The following DDO variants were observed in gnomAD, a reference collection of about 807,000 sequenced individuals.
DDO encodes the protein D-aspartate oxidase, DDO.
In DDO, 16 loss-of-function variants were observed where a neutral mutation model predicts 16.8. The observed-to-expected ratio is 0.95, with a 90% confidence interval of 0.65 to 1.45. The LOEUF is 1.45. Among genes scored for constraint, DDO ranks in the 40% most tolerant of loss-of-function variants. DDO has a pLI of 0.00. For missense variants in DDO, 429 were observed against 420.3 expected, an observed-to-expected ratio of 1.02 and a Z score of -0.18; for synonymous variants, 180 against 167.2, an observed-to-expected ratio of 1.08 and a Z score of -0.59.
chr6:110,410,126 A>G (rs1336368849), intron 2 of DDO, among the ~76,000 whole-genome samples: 3 of 152,266 alleles, frequency 2.0e-5, no homozygotes, highest in Non-Finnish European at 4.4e-5. Context: ...GGAGATAGTT[A>G]TGACTGGGGC....
At chr6:110,407,528 TAA>T (rs1582487741) in intron 3 of DDO, among the ~76,000 whole-genome samples, 1 of 152,198 alleles carries the variant, frequency 6.6e-6, no homozygotes, top group East Asian at 1.9e-4. Flanking sequence ...AAAGAGGAGA[TAA>T]GACACATTTT....
At position 110,393,952 on chromosome 6, in the gene DDO, A is replaced by G. The variant is rs541987788; in HGVS notation, c.459-610T>C. Among the ~76,000 whole-genome samples, 46 of 152,358 alleles carry G rather than the reference A, an allele frequency of 3.0e-4. No homozygotes were observed. In the South Asian group the frequency reaches 9.3e-3, roughly 31 times the overall value. On this transcript the variant is annotated intron_variant, in intron 4 of 4. Coordinates refer to ENST00000368924, the MANE Select transcript of DDO (RefSeq NM_001372108.2). ...AATAGTGAAAAGAAATGGTTTATCC[A>G]GTACCTGTAGTCTTTATTTAAATCA...
Position 110,408,359 on chromosome 6 carries a change from C to T in DDO, c.256G>A (p.Asp86Asn). 1.2e-6 allele frequency: 2 copies of T among 1,614,172 alleles called. No homozygotes were observed. The change falls in exon 3 of 5, where the codon GAT (aspartate) becomes AAT (asparagine). Residue 86 changes from aspartate (D) to asparagine (N), a missense_variant. By Grantham distance (23) the Asp-to-Asn change is conservative. Transcript: ENST00000368924. Reference protein sequence around the residue: ...FAIANSAEAGDAGVHLVSGWQ... With the variant: ...FAIANSAEAGNAGVHLVSGWQ... The stretch of plus-strand genomic sequence containing the variant: ...CCTGATACCAAATGAACACCAGCAT[C>T]TCCAGCTTCTGCAGAATTGGCAATT...
intron 3 of DDO, among the ~76,000 whole-genome samples, chr6:110,406,436 C>T (rs1773658350): frequency 6.6e-6 from 1 of 152,192 alleles, no homozygotes; most frequent in Non-Finnish European, 1.5e-5. Flanking sequence ...CATCAACTGA[C>T]AAGTCCTATC....
intron 4 of DDO, 36 bp downstream of exon 4, chr6:110,404,738 A>T: frequency 6.2e-7 from 1 of 1,606,354 alleles, no homozygotes; most frequent in Non-Finnish European, 8.5e-7. Flanking sequence ...TATGGCTATG[A>T]CAGATAAGGA....
At chr6:110,401,463 T>TAAA (rs138367265) in intron 4 of DDO, among the ~76,000 whole-genome samples, 2 of 147,756 alleles carry the variant, frequency 1.4e-5, no homozygotes, top group African/African-American at 5.0e-5. Context: ...AAAAAGTGCT[T>TAAA]TAAAAAAAAA....
chr6:110,404,698 A>G, intron 4 of DDO, 76 bp downstream of exon 4: 1 of 1,498,652 alleles, frequency 6.7e-7, no homozygotes. Flanking sequence ...ACTTTTCAGT[A>G]TGTATTTTAT....
chr6:110,415,000 A>G (rs1488857548), intron 1 of DDO, among the ~76,000 whole-genome samples: 2 of 152,236 alleles, frequency 1.3e-5, no homozygotes, highest in African/African-American at 2.4e-5. Flanking sequence ...AAGCCCTCCA[A>G]TGAAGTTTAG....
chr6:110,388,414 T>C (rs1452138614), downstream of DDO, among the ~76,000 whole-genome samples: 1 of 152,246 alleles, frequency 6.6e-6, no homozygotes, highest in Admixed American at 6.5e-5. Context: ...GGACACATGT[T>C]CCACCATCCT....
downstream of DDO, among the ~76,000 whole-genome samples, chr6:110,390,930 A>G (rs1773087505): frequency 6.6e-6 from 1 of 152,188 alleles, no homozygotes; most frequent in Admixed American, 6.5e-5. Context: ...ACCTCAAAAG[A>G]AGCACGCACA....
intron 3 of DDO, among the ~76,000 whole-genome samples, chr6:110,406,876 A>T (rs996220692): frequency 4.5e-4 from 68 of 152,214 alleles, no homozygotes; most frequent in African/African-American, 1.6e-3. Context: ...CTTCCATAGC[A>T]CCCTAGCCTC....
intron 4 of DDO, among the ~76,000 whole-genome samples, chr6:110,399,182 A>G (rs1773391089): frequency 6.6e-6 from 1 of 152,152 alleles, no homozygotes; most frequent in African/African-American, 2.4e-5. Context: ...ATTGGGCATT[A>G]TTGTTTTACT....
rs1459691851 is a variant in DDO at position 110,408,372 on chromosome 6, A to T, written c.243T>A (p.Ser81=). 3 of 1,614,106 alleles carry T rather than the reference A, an allele frequency of 1.9e-6. No individual in the cohort carries two copies. In the African/African-American group the frequency reaches 4.0e-5, roughly 22 times the overall value. The change falls in exon 3 of 5, where the codon TCT becomes TCA. Residue 81 remains serine (S), a synonymous_variant. Transcript: ENST00000368924. Reference sequence around the variant, plus strand: ...GAACACCAGCATCTCCAGCTTCTGCAGAATTGGCAATTGCAAAGAGGTGAT... The same window carrying T: ...GAACACCAGCATCTCCAGCTTCTGCTGAATTGGCAATTGCAAAGAGGTGAT... The part of the protein sequence containing the change: ...TFNHLFAIAN[S]AEAGDAGVHL...
chr6:110,395,887 C>T (rs903067874), intron 4 of DDO, among the ~76,000 whole-genome samples: 5 of 152,080 alleles, frequency 3.3e-5, no homozygotes, highest in Admixed American at 6.5e-5. Flanking sequence ...GAAAATGTCT[C>T]ATGTTCATGG....
chr6:110,412,881 C>T (rs542411626), intron 2 of DDO, among the ~76,000 whole-genome samples: 5 of 152,292 alleles, frequency 3.3e-5, no homozygotes, highest in South Asian at 2.1e-4. Flanking sequence ...CCAAGCATGG[C>T]GGCTGTAATC....
chr6:110,400,388 C>T (rs561872409), intron 4 of DDO, among the ~76,000 whole-genome samples: 15 of 140,142 alleles, frequency 1.1e-4, no homozygotes, highest in Admixed American at 3.1e-4. Context: ...TGGGGACCTC[C>T]AGCCCCCGCA....
downstream of DDO, chr6:110,391,774 G>T (rs1396537599): frequency 2.6e-5 from 4 of 152,298 alleles, no homozygotes; most frequent in Non-Finnish European, 5.9e-5. Flanking sequence ...CAAAAAACAG[G>T]TTAAATTCAT....
At chr6:110,398,058 T>C (rs1773344291) in intron 4 of DDO, among the ~76,000 whole-genome samples, 1 of 152,128 alleles carries the variant, frequency 6.6e-6, no homozygotes, top group Non-Finnish European at 1.5e-5. Context: ...TGGGGCTTCT[T>C]GCAACTGAGC....
At chr6:110,388,677 G>T, downstream of DDO, 1 of 384,020 alleles carries the variant, frequency 2.6e-6, no homozygotes, top group Non-Finnish European at 3.6e-6. Flanking sequence ...TGCTGAAGAA[G>T]CACACGCTGG....
Sources: gnomAD v4.1 joint callset for allele counts (sites outside exome capture counted in the v4.1 genomes callset) on GRCh38, gnomAD v4.1.1 for gene constraint, MANE v1.5 for transcripts, NCBI Gene and HGNC (gene_info 2026-07-23, HGNC 2026-07-21) for gene names.